Variants in CAAP1 observed in about 807,000 individuals in gnomAD.
CAAP1 encodes the protein conserved anti-apoptotic protein.
CAAP1 carries 20 observed loss-of-function variants against 34.0 expected under a neutral mutation model. The ratio of observed to expected loss-of-function variants is 0.59; its 90% CI spans 0.41 to 0.86. The LOEUF (loss-of-function observed/expected upper bound fraction) is 0.86, where lower values mean the gene tolerates loss of function less well. Among genes scored for constraint, CAAP1 ranks in the 40% least tolerant of loss-of-function variants. The pLI, the probability that CAAP1 is intolerant of heterozygous loss-of-function variation, is 0.00. For synonymous variants in CAAP1, 213 were observed against 166.7 expected (o/e 1.28, Z -2.14); for missense variants, 538 against 450.5 (o/e 1.19, Z -1.76).
chr9:26,891,076 T>C (rs1158161793), intron 1 of CAAP1, among the ~76,000 whole-genome samples: 1 of 152,190 alleles, frequency 6.6e-6, no homozygotes, highest in African/African-American at 2.4e-5. Flanking sequence ...AACTAACTTA[T>C]CAACAAATTA....
intron 5 of CAAP1, among the ~76,000 whole-genome samples, chr9:26,847,198 A>T (rs1327621964): frequency 1.8e-3 from 63 of 34,752 alleles, no homozygotes; most frequent in Non-Finnish European, 2.4e-3. Flanking sequence ...AAAAAGCAAT[A>T]TTTTTTTTTT....
At chr9:26,889,959 G>A (rs968133366) in intron 1 of CAAP1, among the ~76,000 whole-genome samples, 1 of 151,290 alleles carries the variant, frequency 6.6e-6, no homozygotes, top group African/African-American at 2.4e-5. Flanking sequence ...TGCCTAATAT[G>A]CAATGACCTT....
intron 1 of CAAP1, among the ~76,000 whole-genome samples, chr9:26,891,403 T>C (rs1390698044): frequency 2.6e-5 from 4 of 152,200 alleles, no homozygotes; most frequent in Non-Finnish European, 5.9e-5. Context: ...CTTATATATA[T>C]ACTGTTTGGA....
chr9:26,892,501 C>G lies in CAAP1; in HGVS notation c.215G>C (p.Ser72Thr), dbSNP rs1365111492. ...GSVTGGGSGG[S>T]CWGGSSVERS... Reference sequence around the variant, plus strand: ...CTCCACGCTGCTCCCGCCCCAACAGCTGCCGCCGCTCCCACCGCCGGTGAC... The same window carrying G: ...CTCCACGCTGCTCCCGCCCCAACAGGTGCCGCCGCTCCCACCGCCGGTGAC... Residue 72 changes from serine to threonine, a missense_variant, in exon 1 of 6, where the codon AGC becomes ACC. By Grantham distance (58) the Ser-to-Thr change is moderately conservative. This residue lies in a region of CAAP1 where 514 missense variants were observed against 408.4 expected (regional missense o/e 1.26). Coordinates refer to ENST00000333916, the MANE Select transcript of CAAP1 (RefSeq NM_024828.4). 1.3e-6 allele frequency: 2 copies of G among 1,565,750 alleles called. No homozygotes were observed. The highest frequency in any genetic ancestry group is 1.7e-6 in the Non-Finnish European group (2 of 1,154,894).
chr9:26,851,861 T>G (rs927366653), intron 5 of CAAP1, among the ~76,000 whole-genome samples: 1 of 152,242 alleles, frequency 6.6e-6, no homozygotes, highest in African/African-American at 2.4e-5. Context: ...ACTCAAATAC[T>G]TTCTGTTAGT....
intron 4 of CAAP1, among the ~76,000 whole-genome samples, chr9:26,866,301 A>G (rs1563885442): frequency 6.6e-6 from 1 of 152,238 alleles, no homozygotes; most frequent in East Asian, 1.9e-4. Context: ...ATTATATGGA[A>G]GAAATAAATG....
chr9:26,878,414 AGT>A (rs1823499391), intron 4 of CAAP1, among the ~76,000 whole-genome samples: 1 of 152,208 alleles, frequency 6.6e-6, no homozygotes, highest in Non-Finnish European at 1.5e-5. Flanking sequence ...AAAGCAAAGC[AGT>A]CTCTCCCTCC....
chr9:26,869,466 T>A (rs192115233), intron 4 of CAAP1, among the ~76,000 whole-genome samples: 1 of 152,308 alleles, frequency 6.6e-6, no homozygotes, highest in East Asian at 1.9e-4. Context: ...AAACCATTGT[T>A]GACATTTCTA....
intron 5 of CAAP1, among the ~76,000 whole-genome samples, chr9:26,856,116 A>AT (rs910003550): frequency 2.9e-5 from 4 of 136,904 alleles, no homozygotes; most frequent in African/African-American, 8.7e-5. Flanking sequence ...CTGGCCAGTA[A>AT]TTTTTTTTAA....
chr9:26,884,796 G>A lies in CAAP1; in HGVS notation c.665+14C>T. On this transcript the variant is annotated intron_variant, in intron 4 of 5. Coordinates refer to ENST00000333916, the MANE Select transcript of CAAP1 (RefSeq NM_024828.4). ...AAGAAATTTTGAAATAAAAATGAAAGTTTTTAAACTTACTGACTGACTAAA... is the reference window on the plus strand; with the variant it reads ...AAGAAATTTTGAAATAAAAATGAAAATTTTTAAACTTACTGACTGACTAAA... 1 of 1,581,316 alleles carries A rather than the reference G, an allele frequency of 6.3e-7. No homozygotes were observed. Among genetic ancestry groups the A allele is most frequent in the Non-Finnish European group, 8.6e-7 (1 of 1,160,646 alleles).
At chr9:26,860,644 T>C (rs1209629734) in intron 5 of CAAP1, among the ~76,000 whole-genome samples, 2 of 151,862 alleles carry the variant, frequency 1.3e-5, no homozygotes. Context: ...TACAAAACAT[T>C]AGCTGGGCGT....
chr9:26,842,573 C>G lies in CAAP1; in HGVS notation c.814G>C (p.Glu272Gln), dbSNP rs370258315. The change falls in exon 6 of 6, where the codon GAA becomes CAA. Residue 272 changes from glutamate (E) to glutamine (Q), a missense_variant. Glu to Gln is a conservative substitution (Grantham distance 29, BLOSUM62 2). Around this residue, in one of 3 missense-constraint regions of CAAP1, gnomAD observed 514 missense variants for 408.4 expected, o/e 1.26. Transcript: ENST00000333916. ...GGTGCCTCGGGAGCAGCTGCTTCTT[C>G]GTTGCATGGGCCTTCTATGTCGCTG... ...YDSDIEGPCN[E>Q]EAAAPEAPEN... The G allele has an allele frequency of 1.2e-5, 19 of 1,614,016 alleles. No individual in the cohort carries two copies. In the African/African-American group the frequency reaches 2.0e-4, roughly 17 times the overall value.
At chr9:26,845,039 A>G (rs1361664125) in intron 5 of CAAP1, among the ~76,000 whole-genome samples, 1 of 152,172 alleles carries the variant, frequency 6.6e-6, no homozygotes, top group Non-Finnish European at 1.5e-5. Context: ...CCCTGCTCAA[A>G]TGGTACCTTA....
intron 4 of CAAP1, among the ~76,000 whole-genome samples, chr9:26,863,057 T>C (rs982560641): frequency 6.6e-6 from 1 of 152,182 alleles, no homozygotes; most frequent in Non-Finnish European, 1.5e-5. Flanking sequence ...AGTCTGAAAG[T>C]ATTTCCAAAT....
chr9:26,870,956 G>A (rs1823261959), intron 4 of CAAP1, among the ~76,000 whole-genome samples: 1 of 152,096 alleles, frequency 6.6e-6, no homozygotes. Context: ...CCTTAGGTAT[G>A]TACTGCAGAT....
chr9:26,847,558 G>T (rs1481828311), intron 5 of CAAP1, among the ~76,000 whole-genome samples: 5 of 151,976 alleles, frequency 3.3e-5, no homozygotes, highest in Admixed American at 3.3e-4. Context: ...TTAGAAATTA[G>T]GTTGAGCATT....
chr9:26,855,320 T>C (rs762353389), intron 5 of CAAP1, among the ~76,000 whole-genome samples: 35 of 151,948 alleles, frequency 2.3e-4, no homozygotes, highest in Non-Finnish European at 4.4e-4. Context: ...TGTCAGGAGT[T>C]GGGGGGGAGA....
intron 4 of CAAP1, among the ~76,000 whole-genome samples, chr9:26,868,653 C>T (rs1423153528): frequency 6.6e-6 from 1 of 152,106 alleles, no homozygotes; most frequent in East Asian, 1.9e-4. Context: ...GTTAATAAAT[C>T]CCAGCTTACA....
chr9:26,889,463 T>C (rs1001819183), intron 1 of CAAP1, among the ~76,000 whole-genome samples: 1 of 152,080 alleles, frequency 6.6e-6, no homozygotes, highest in Non-Finnish European at 1.5e-5. Context: ...GTGACGGTTG[T>C]ACAACTCTGA....
Sources: allele counts gnomAD v4.1 joint callset (sites outside exome capture counted in the v4.1 genomes callset), GRCh38; gene constraint gnomAD v4.1.1; regional missense constraint gnomAD v4.1.1; transcripts MANE v1.5; gene names NCBI Gene and HGNC (gene_info 2026-07-23, HGNC 2026-07-21).